CADPS: variants seen among roughly 807,000 people sequenced by gnomAD.
CADPS encodes calcium-dependent secretion activator 1.
CADPS carries 57 observed loss-of-function variants against 167.3 expected under a neutral mutation model. The ratio of observed to expected loss-of-function variants is 0.34; its 90% confidence interval spans 0.28 to 0.42. The LOEUF is 0.42. Among genes scored for constraint, CADPS ranks in the 20% least tolerant of loss-of-function variants. The pLI, the probability that CADPS is intolerant of heterozygous loss-of-function variation, is 1.00. For missense variants in CADPS, 1,414 were observed against 1,738.1 expected (o/e 0.81, Z 3.32); for synonymous variants, 676 against 635.3 (o/e 1.06, Z -0.96).
At chr3:62,496,535 A>T (rs2064832450) in intron 18 of CADPS, among the ~76,000 whole-genome samples, 1 of 152,218 alleles carries the variant, frequency 6.6e-6, no homozygotes, top group Admixed American at 6.5e-5. Context: ...TTTCCTTAGC[A>T]ATTTGTTCCT....
intron 1 of CADPS, among the ~76,000 whole-genome samples, chr3:62,773,968 T>C (rs2089624269): frequency 2.0e-5 from 3 of 152,140 alleles, no homozygotes; most frequent in African/African-American, 4.8e-5. Context: ...GACCTATAAA[T>C]TGGCCACATG....
At chr3:62,801,737 T>C (rs1283562701) in intron 1 of CADPS, among the ~76,000 whole-genome samples, 2 of 152,134 alleles carry the variant, frequency 1.3e-5, no homozygotes, top group East Asian at 3.9e-4. Context: ...CAGGTGTCAT[T>C]ACCCCGTTTT....
chr3:62,804,440 A>T (rs2093964966), intron 1 of CADPS, among the ~76,000 whole-genome samples: 1 of 151,972 alleles, frequency 6.6e-6, no homozygotes, highest in African/African-American at 2.4e-5. Flanking sequence ...TGAGTGACTG[A>T]GAGAGAGAGG....
At chr3:62,590,441 G>A (rs1379341988) in intron 7 of CADPS, among the ~76,000 whole-genome samples, 2 of 152,102 alleles carry the variant, frequency 1.3e-5, no homozygotes, top group Admixed American at 6.6e-5. Context: ...AATGAGTATC[G>A]TTTCTCAAAG....
intron 3 of CADPS, among the ~76,000 whole-genome samples, chr3:62,691,416 C>T (rs187141936): frequency 1.3e-5 from 2 of 151,986 alleles, no homozygotes; most frequent in Admixed American, 1.3e-4. Flanking sequence ...GAGGCTGTGT[C>T]TGTGTAGGGG....
At chr3:62,501,519 T>G (rs1216520172) in intron 17 of CADPS, among the ~76,000 whole-genome samples, 1 of 152,132 alleles carries the variant, frequency 6.6e-6, no homozygotes, top group African/African-American at 2.4e-5. Flanking sequence ...TACACCCACA[T>G]ACACACATCA....
chr3:62,635,453 C>A (rs147899445), intron 6 of CADPS, among the ~76,000 whole-genome samples: 8 of 152,232 alleles, frequency 5.3e-5, no homozygotes, highest in African/African-American at 1.9e-4. Flanking sequence ...AACACCCTGT[C>A]ATTATTAGAT....
rs768112259 is a variant in CADPS, at chr3:62,810,636, G to GT, written c.442-44653dup. On this transcript the variant is annotated intron_variant, in intron 1 of 29. Coordinates refer to ENST00000383710, the MANE Select transcript of CADPS (RefSeq NM_003716.4). ...ACTTCCATTATCCAGTTAACATACA[G>GT]TTCTGTAGCAGAATTAATCCATGTC... 1.0e-3 allele frequency among the ~76,000 whole-genome samples: 156 copies of GT among 152,186 alleles called. 2 individuals are homozygous for GT. Among genetic ancestry groups the GT allele is most frequent in the Non-Finnish European group, 2.6e-4 (18 of 68,024 alleles).
intron 3 of CADPS, among the ~76,000 whole-genome samples, chr3:62,669,331 T>C (rs886588302): frequency 2.0e-5 from 3 of 152,134 alleles, no homozygotes; most frequent in African/African-American, 7.2e-5. Context: ...TTATCCTCCT[T>C]CAGAGACAAG....
At chr3:62,530,501 A>C (rs1333997713) in intron 13 of CADPS, among the ~76,000 whole-genome samples, 1 of 151,666 alleles carries the variant, frequency 6.6e-6, no homozygotes, top group Non-Finnish European at 1.5e-5. Context: ...CCATTGCTAG[A>C]ATTTTTTTTT....
intron 6 of CADPS, among the ~76,000 whole-genome samples, chr3:62,627,915 T>C (rs1218412307): frequency 1.3e-5 from 2 of 152,186 alleles, no homozygotes; most frequent in Non-Finnish European, 2.9e-5. Context: ...CATGTGAAAT[T>C]CTAATCGAGG....
intron 2 of CADPS, among the ~76,000 whole-genome samples, chr3:62,757,998 G>A (rs376433532): frequency 5.3e-5 from 8 of 152,328 alleles, no homozygotes; most frequent in African/African-American, 1.9e-4. Flanking sequence ...CCCATGACAC[G>A]TGGGAATTAT....
rs138812468 is a variant in CADPS at position 62,693,760 on chromosome 3, G to C, written c.889-31366C>G. 1.8e-3 allele frequency among the ~76,000 whole-genome samples: 262 copies of C among 149,444 alleles called. 8 individuals are homozygous for C. The East Asian group carries it at 0.043, about 24-fold the overall frequency. On this transcript the variant is annotated intron_variant, in intron 3 of 29. Transcript: ENST00000383710. ...AGATTGCATCACTGCACTACAGCCT[G>C]GGTGACAGAATGGGACTCCATCTTA...
chr3:62,570,427 C>T (rs1268384975), intron 9 of CADPS, among the ~76,000 whole-genome samples: 2 of 152,102 alleles, frequency 1.3e-5, no homozygotes, highest in African/African-American at 4.8e-5. Flanking sequence ...TCTGACTTTA[C>T]TCATAATGCC....
chr3:62,599,207 C>T (rs1045269991), intron 6 of CADPS, among the ~76,000 whole-genome samples: 11 of 151,926 alleles, frequency 7.2e-5, no homozygotes, highest in Admixed American at 6.6e-4. Context: ...TAACTTCTCT[C>T]TGAAGATGAA....
At chr3:62,803,773 G>A (rs569365367) in intron 1 of CADPS, among the ~76,000 whole-genome samples, 1 of 151,978 alleles carries the variant, frequency 6.6e-6, no homozygotes, top group Non-Finnish European at 1.5e-5. Flanking sequence ...AAATCCTCTC[G>A]TTTTCCCAGG....
chr3:62,772,312 C>G (rs2089078991), intron 1 of CADPS, among the ~76,000 whole-genome samples: 2 of 152,124 alleles, frequency 1.3e-5, no homozygotes, highest in South Asian at 4.1e-4. Flanking sequence ...GCCAATTACT[C>G]CCTTCCCAGT....
At chr3:62,818,525 A>G in intron 1 of CADPS, among the ~76,000 whole-genome samples, 1 of 152,324 alleles carries the variant, frequency 6.6e-6, no homozygotes, top group African/African-American at 2.4e-5. Flanking sequence ...AGCTAAAATT[A>G]AAAAGACAGA....
intron 3 of CADPS, among the ~76,000 whole-genome samples, chr3:62,697,321 C>A (rs1319419939): frequency 1.3e-5 from 2 of 152,018 alleles, no homozygotes; most frequent in African/African-American, 4.8e-5. Flanking sequence ...GCCTTTGCAT[C>A]CTCACAGCTT....
Sources: allele counts gnomAD v4.1 joint callset (sites outside exome capture counted in the v4.1 genomes callset), GRCh38; gene constraint gnomAD v4.1.1; transcripts MANE v1.5; gene names NCBI Gene and HGNC (gene_info 2026-07-23, HGNC 2026-07-21).